NREP: variants seen among roughly 807,000 people sequenced by gnomAD.
The protein encoded by NREP is neuronal regeneration-related protein.
Under a neutral mutation model 8.6 loss-of-function variants are expected in NREP, and 5 were observed. The observed-to-expected ratio is 0.58, with a 90% CI of 0.30 to 1.22. NREP has a LOEUF of 1.22. Among genes scored for constraint, NREP ranks in the 50% most tolerant of loss-of-function variants. The pLI is 0.07. For synonymous variants in NREP, 27 were observed against 28.0 expected, an observed-to-expected ratio of 0.96 and a Z score of 0.11; for missense variants, 86 against 82.5, an observed-to-expected ratio of 1.04 and a Z score of -0.17.
chr5:111,935,152 A>C (rs1192416177), intron 2 of NREP, among the ~76,000 whole-genome samples: 4 of 152,126 alleles, frequency 2.6e-5, no homozygotes, highest in African/African-American at 9.7e-5. Context: ...GTCTCCTTTG[A>C]TACATTGCAC....
At position 111,756,326 on chromosome 5, in the gene NREP, G is replaced by C. The variant is rs1750704990; in HGVS notation, c.-58-496C>G. On this transcript the variant is annotated intron_variant, in intron 1 of 3. Coordinates refer to ENST00000257435, the MANE Select transcript of NREP (RefSeq NM_004772.4). ...AAAAAAAAAAAACCCTACACGGCGG[G>C]GGGGGTGGGGGGAGTCAGGAATATA... is the stretch of plus-strand genomic sequence containing the variant. 2.7e-6 allele frequency: 2 copies of C among 732,458 alleles called. 1 individual carries two copies. Among genetic ancestry groups the C allele is most frequent in the Non-Finnish European group, 3.3e-6 (2 of 602,486 alleles). The allele number at this position is 732,458 out of a possible 1,614,324, so 45.4% of individuals were successfully genotyped here. A position where few individuals can be genotyped will look rare whatever the true frequency, so the allele number is the denominator to read the frequency against.
intron 2 of NREP, among the ~76,000 whole-genome samples, chr5:111,903,780 G>A (rs1431714990): frequency 6.6e-6 from 1 of 152,124 alleles, no homozygotes; most frequent in Non-Finnish European, 1.5e-5. Flanking sequence ...GATGAATGGA[G>A]ACATTTCTTC....
chr5:111,832,998 C>T (rs1350459688), intron 2 of NREP, among the ~76,000 whole-genome samples: 1 of 152,188 alleles, frequency 6.6e-6, no homozygotes, highest in Admixed American at 6.5e-5. Flanking sequence ...ATGTAGCTCC[C>T]GCCAGGCAGG....
At chr5:111,832,656 T>C (rs1158857521) in intron 2 of NREP, among the ~76,000 whole-genome samples, 1 of 152,218 alleles carries the variant, frequency 6.6e-6, no homozygotes, top group Non-Finnish European at 1.5e-5. Context: ...CTCTACCAGA[T>C]GGTTCTGACC....
At chr5:111,807,210 C>T (rs1752163388) in intron 2 of NREP, among the ~76,000 whole-genome samples, 1 of 152,032 alleles carries the variant, frequency 6.6e-6, no homozygotes, top group Non-Finnish European at 1.5e-5. Context: ...GTTGTTGACT[C>T]ATTGTTAAAC....
chr5:111,922,914 G>A (rs577188450), intron 2 of NREP, among the ~76,000 whole-genome samples: 22 of 152,160 alleles, frequency 1.4e-4, no homozygotes, highest in Non-Finnish European at 2.4e-4. Flanking sequence ...TGAGGCTTTC[G>A]TGCTGCTGAC....
At chr5:111,850,263 C>T (rs1289105240) in intron 2 of NREP, among the ~76,000 whole-genome samples, 2 of 152,054 alleles carry the variant, frequency 1.3e-5, no homozygotes, top group African/African-American at 2.4e-5. Flanking sequence ...TTCTCTTTGT[C>T]TTTTTCCCGT....
intron 2 of NREP, among the ~76,000 whole-genome samples, chr5:111,748,938 G>T (rs1750185284): frequency 6.6e-6 from 1 of 152,172 alleles, no homozygotes. Context: ...AACATAAGAA[G>T]ATTCCTGCTG....
chr5:111,747,120 C>T (rs1288776550), intron 2 of NREP, among the ~76,000 whole-genome samples: 3 of 152,074 alleles, frequency 2.0e-5, no homozygotes, highest in Non-Finnish European at 4.4e-5. Flanking sequence ...AACAGTACTT[C>T]GTGGAGGAAA....
At chr5:111,874,647 G>C (rs1215784429) in intron 2 of NREP, among the ~76,000 whole-genome samples, 2 of 152,112 alleles carry the variant, frequency 1.3e-5, no homozygotes, top group Non-Finnish European at 2.9e-5. Context: ...GGATTGCTTG[G>C]GGCTGGAGTA....
intron 2 of NREP, among the ~76,000 whole-genome samples, chr5:111,926,923 G>C (rs1278255341): frequency 6.6e-6 from 1 of 151,352 alleles, no homozygotes; most frequent in Non-Finnish European, 1.5e-5. Flanking sequence ...GGAGGAGTGG[G>C]TCAGGCAGGA....
chr5:111,820,362 C>T (rs1231434492), intron 2 of NREP, among the ~76,000 whole-genome samples: 1 of 152,292 alleles, frequency 6.6e-6, no homozygotes, highest in East Asian at 1.9e-4. Flanking sequence ...ACTGCAAAAG[C>T]TTCACAAGTA....
At chr5:111,777,036 TGGAGGA>T (rs1390796015) in intron 2 of NREP, among the ~76,000 whole-genome samples, 2 of 124,988 alleles carry the variant, frequency 1.6e-5, no homozygotes, top group Non-Finnish European at 3.5e-5. Context: ...AGGAAGGAGG[TGGAGGA>T]GGAGGAGGAG....
chr5:111,836,526 A>T (rs1398883230), intron 2 of NREP, among the ~76,000 whole-genome samples: 8 of 152,104 alleles, frequency 5.3e-5, no homozygotes, highest in African/African-American at 1.9e-4. Context: ...TTGGCTCTCT[A>T]CATCAATATT....
chr5:111,961,140 T>C (rs902032767), intron 2 of NREP, among the ~76,000 whole-genome samples: 1 of 151,872 alleles, frequency 6.6e-6, no homozygotes, highest in Non-Finnish European at 1.5e-5. Context: ...GACAAGACTT[T>C]TCAAGGCCAC....
At chr5:111,915,067 G>A (rs1165982159) in intron 2 of NREP, among the ~76,000 whole-genome samples, 3 of 152,090 alleles carry the variant, frequency 2.0e-5, no homozygotes, top group African/African-American at 7.2e-5. Context: ...GTGTGTCTTT[G>A]TGCTTGTTTC....
intron 2 of NREP, among the ~76,000 whole-genome samples, chr5:111,961,227 T>C (rs1043447516): frequency 1.3e-5 from 2 of 152,202 alleles, no homozygotes; most frequent in Non-Finnish European, 2.9e-5. Flanking sequence ...TTGCTTCTCA[T>C]GGATTATTTG....
At chr5:111,924,094 T>G (rs1305530227) in intron 2 of NREP, among the ~76,000 whole-genome samples, 1 of 152,156 alleles carries the variant, frequency 6.6e-6, no homozygotes, top group Non-Finnish European at 1.5e-5. Flanking sequence ...CTTAATTCTT[T>G]CTTCTGCCAA....
rs918209969 is a variant in NREP, at chr5:111,866,288, C to A, written c.135+108986G>T. On this transcript the variant is annotated intron_variant, in intron 2 of 3. Coordinates refer to the NREP transcript ENST00000395634. ...GCTAATATCCACAATCTACAATGAA[C>A]TCAAACAAATTTACGAGAAAAAAAA... 4.1e-4 allele frequency among the ~76,000 whole-genome samples: 63 copies of A among 151,944 alleles called. 1 individual carries two copies. The highest frequency in any genetic ancestry group is 1.5e-3 in the African/African-American group (61 of 41,346).
Sources: gnomAD v4.1 joint callset for allele counts (sites outside exome capture counted in the v4.1 genomes callset) on GRCh38, gnomAD v4.1.1 for gene constraint, MANE v1.5 for transcripts, NCBI Gene and HGNC (gene_info 2026-07-23, HGNC 2026-07-21) for gene names.